The following ZNF827 variants were observed in gnomAD, a reference collection of about 807,000 sequenced individuals.
ZNF827 encodes zinc finger protein 827.
In ZNF827, 13 loss-of-function variants were observed where a neutral mutation model predicts 102.4. The ratio of observed to expected loss-of-function variants is 0.13; its 90% CI spans 0.08 to 0.20. The LOEUF is 0.20. Among genes scored for constraint, ZNF827 ranks in the 10% least tolerant of loss-of-function variants. The probability of loss-of-function intolerance (pLI) is 1.00; values close to 1 mark genes in which losing one functional copy is unlikely to be tolerated. For missense variants in ZNF827, 1,103 were observed against 1,344.4 expected (o/e 0.82, Z 2.81); for synonymous variants, 523 against 536.2 (o/e 0.98, Z 0.34).
chr4:145,781,215 A>G (rs1737986609), intron 8 of ZNF827, among the ~76,000 whole-genome samples: 2 of 127,624 alleles, frequency 1.6e-5, no homozygotes, highest in East Asian at 2.0e-4. Flanking sequence ...AAAAAAAAAA[A>G]AAGAAAAAAA....
chr4:145,763,533 C>T lies in ZNF827; in HGVS notation c.3231-411G>A, dbSNP rs1302553516. Among the ~76,000 whole-genome samples the T allele has an allele frequency of 6.6e-6, 1 of 152,194 alleles. No homozygotes were observed. The highest frequency in any genetic ancestry group is 2.4e-5 in the African/African-American group (1 of 41,444). On this transcript the variant is annotated intron_variant, in intron 13 of 14. Transcript: ENST00000508784. The surrounding 1 kb of genome is among the most constrained non-coding windows in gnomAD (Gnocchi z 4.6). ...CTGTACCAGCAAAAGCATCAGAATT[C>T]ACTGTGCATTCTCCCCAATGGCTTC... is the stretch of plus-strand genomic sequence containing the variant.
intron 5 of ZNF827, among the ~76,000 whole-genome samples, chr4:145,869,725 T>C (rs1748520364): frequency 6.6e-6 from 1 of 152,226 alleles, no homozygotes; most frequent in African/African-American, 2.4e-5. Context: ...TAAGAACAGA[T>C]TAATTATTGT....
intron 8 of ZNF827, among the ~76,000 whole-genome samples, chr4:145,813,023 C>T (rs995056881): frequency 1.3e-5 from 2 of 152,126 alleles, no homozygotes; most frequent in Non-Finnish European, 1.5e-5. Flanking sequence ...TCTTGCCATC[C>T]CATTCTGTCC....
At chr4:145,788,731 G>C (rs984731869) in intron 8 of ZNF827, among the ~76,000 whole-genome samples, 1 of 152,198 alleles carries the variant, frequency 6.6e-6, no homozygotes, top group African/African-American at 2.4e-5. Context: ...ACACAGACCA[G>C]TGACCACTTC....
intron 5 of ZNF827, among the ~76,000 whole-genome samples, chr4:145,859,529 G>A (rs1399194590): frequency 2.0e-5 from 3 of 152,124 alleles, no homozygotes; most frequent in Non-Finnish European, 2.9e-5. Context: ...GTTCCCTCCG[G>A]GCTCTCACTT....
intron 8 of ZNF827, among the ~76,000 whole-genome samples, chr4:145,817,656 A>G (rs1742718805): frequency 6.6e-6 from 1 of 152,206 alleles, no homozygotes; most frequent in Admixed American, 6.5e-5. Context: ...GGAGATTATA[A>G]TTCAAGATGA....
In ZNF827 at chr4:145,885,691, G is replaced by C; in HGVS notation, c.1734C>G (p.Leu578=). 1.3e-6 allele frequency: 2 copies of C among 1,530,402 alleles called. No individual in the cohort carries two copies. The highest frequency in any genetic ancestry group is 1.8e-6 in the Non-Finnish European group (2 of 1,141,380). The allele number at this position is 1,530,402 out of a possible 1,614,324, so 94.8% of individuals were successfully genotyped here. ...CTATTCAAGTACCTGACAGCTTCAT[G>C]AGAAAATCAGACGCCATCTTAACAG... The part of the protein sequence containing the change: ...DISVKMASDF[L]MKLSAANQKE... Residue 578 remains leucine, a synonymous_variant, in exon 4 of 15, where the codon CTC becomes CTG. Transcript: ENST00000508784.
intron 2 of ZNF827, among the ~76,000 whole-genome samples, chr4:145,900,119 T>C (rs1751299531): frequency 6.6e-6 from 1 of 152,222 alleles, no homozygotes; most frequent in Non-Finnish European, 1.5e-5. Flanking sequence ...GCTCATGACC[T>C]CTTTCTCATC....
At chr4:145,771,525 A>G (rs186015118) in intron 11 of ZNF827, among the ~76,000 whole-genome samples, 2 of 152,362 alleles carry the variant, frequency 1.3e-5, no homozygotes, top group African/African-American at 4.8e-5. Flanking sequence ...CAAAATTTGC[A>G]CTGAAGAAGT....
At chr4:145,882,746 T>C (rs1749779227) in intron 4 of ZNF827, among the ~76,000 whole-genome samples, 1 of 152,336 alleles carries the variant, frequency 6.6e-6, no homozygotes, top group Middle Eastern at 3.4e-3. Context: ...GACAGTGATC[T>C]GGCTGGCACA....
chr4:145,896,275 A>G (rs912801603), intron 2 of ZNF827, among the ~76,000 whole-genome samples: 4 of 152,202 alleles, frequency 2.6e-5, no homozygotes, highest in Non-Finnish European at 5.9e-5. Context: ...CACGGTTCAG[A>G]GCTTGGCCCA....
chr4:145,809,670 GT>G (rs1431547901), intron 8 of ZNF827, among the ~76,000 whole-genome samples: 1 of 152,140 alleles, frequency 6.6e-6, no homozygotes, highest in Non-Finnish European at 1.5e-5. Flanking sequence ...CTTTTGAGAT[GT>G]TTTTCAGACA....
intron 4 of ZNF827, among the ~76,000 whole-genome samples, chr4:145,883,031 T>C (rs767987864): frequency 4.0e-5 from 6 of 150,322 alleles, no homozygotes; most frequent in Non-Finnish European, 8.8e-5. Context: ...ATCAAACGTA[T>C]GGCCAGACCA....
intron 5 of ZNF827, among the ~76,000 whole-genome samples, chr4:145,856,119 C>A (rs1311808108): frequency 6.6e-6 from 1 of 151,982 alleles, no homozygotes. Flanking sequence ...CTCAGGCTCC[C>A]GAGTAGCTGG....
intron 8 of ZNF827, among the ~76,000 whole-genome samples, chr4:145,809,722 C>T (rs563844437): frequency 6.6e-6 from 1 of 152,322 alleles, no homozygotes; most frequent in Admixed American, 6.5e-5. Context: ...ACCCATGACT[C>T]AACCAGTCCT....
At chr4:145,897,029 A>C (rs1751030547) in intron 2 of ZNF827, among the ~76,000 whole-genome samples, 1 of 152,226 alleles carries the variant, frequency 6.6e-6, no homozygotes, top group South Asian at 2.1e-4. Context: ...AGAAATTCTA[A>C]AACAGGAAAA....
chr4:145,933,832 T>C (rs1465843604), intron 1 of ZNF827, among the ~76,000 whole-genome samples: 1 of 151,752 alleles, frequency 6.6e-6, no homozygotes, highest in Non-Finnish European at 1.5e-5. Context: ...TTCCTCATCC[T>C]TTCCCTCTTC....
chr4:145,890,178 G>A (rs1750484678), intron 3 of ZNF827, among the ~76,000 whole-genome samples: 1 of 152,014 alleles, frequency 6.6e-6, no homozygotes, highest in Non-Finnish European at 1.5e-5. Context: ...TAAGTGAGGT[G>A]GAAAGCAGGG....
At chr4:145,782,599 CA>C (rs1377419071) in intron 8 of ZNF827, among the ~76,000 whole-genome samples, 1 of 152,194 alleles carries the variant, frequency 6.6e-6, no homozygotes, top group Admixed American at 6.5e-5. Context: ...GCCTCCAAAA[CA>C]GGTTCTCTGC....
Sources: gnomAD v4.1 joint callset for allele counts (sites outside exome capture counted in the v4.1 genomes callset) on GRCh38, gnomAD v4.1.1 for gene constraint, Gnocchi (gnomAD v3.1) non-coding constraint, MANE v1.5 for transcripts, NCBI Gene and HGNC (gene_info 2026-07-23, HGNC 2026-07-21) for gene names.